RAD50: variants seen among roughly 807,000 people sequenced by gnomAD.
RAD50 encodes RAD50 double strand break repair protein.
A neutral mutation model predicts 168.8 loss-of-function variants in RAD50; 132 were observed. That is an observed-to-expected ratio of 0.78 (90% CI 0.68 to 0.90). The LOEUF (loss-of-function observed/expected upper bound fraction) is 0.90. RAD50 is among the 40% of genes least tolerant of loss of function. RAD50 has a pLI of 0.00. For missense variants in RAD50, 1,347 were observed against 1,534.4 expected, an observed-to-expected ratio of 0.88 and a Z score of 2.04; for synonymous variants, 525 against 497.4, an observed-to-expected ratio of 1.06 and a Z score of -0.74.
At chr5:132,592,932 T>C (rs1303669967) in intron 11 of RAD50, 1 of 469,672 alleles carries the variant, frequency 2.1e-6, no homozygotes, top group Non-Finnish European at 4.4e-6. Context: ...ACTTTAATTT[T>C]TCAGTCAGAA....
intron 21 of RAD50, among the ~76,000 whole-genome samples, chr5:132,633,767 G>A (rs1020235419): frequency 8.6e-5 from 13 of 151,814 alleles, no homozygotes; most frequent in Non-Finnish European, 1.2e-4. Context: ...TGTAGAGATG[G>A]GATCTCACTA....
At chr5:132,626,116 C>T (rs192474326) in intron 21 of RAD50, among the ~76,000 whole-genome samples, 4 of 152,206 alleles carry the variant, frequency 2.6e-5, no homozygotes, top group East Asian at 3.9e-4. Flanking sequence ...ATGATCCACC[C>T]GCCTCAGCCT....
chr5:132,560,077 CATAT>C (rs113206956), intron 2 of RAD50, among the ~76,000 whole-genome samples: 547 of 139,464 alleles, frequency 3.9e-3, no homozygotes, highest in African/African-American at 0.017. Context: ...CACACACACA[CATAT>C]ATATATAGTT....
intron 21 of RAD50, among the ~76,000 whole-genome samples, chr5:132,624,231 C>T (rs1660862617): frequency 6.6e-6 from 1 of 152,030 alleles, no homozygotes; most frequent in Admixed American, 6.5e-5. Flanking sequence ...TTTTTAACTT[C>T]TTTGAATATT....
intron 8 of RAD50, 130 bp from the exon 9 acceptor site, chr5:132,589,501 A>T (rs1750658262): frequency 2.9e-6 from 2 of 689,374 alleles, no homozygotes; most frequent in Non-Finnish European, 4.8e-6. Context: ...TTCTTGGAAT[A>T]TATCCCTGCT....
intron 2 of RAD50, among the ~76,000 whole-genome samples, chr5:132,571,156 A>T (rs1447161904): frequency 6.6e-6 from 1 of 152,244 alleles, no homozygotes. Context: ...CTTATCACAG[A>T]TCACTATAAC....
At chr5:132,599,973 A>T (rs1042151943) in intron 13 of RAD50, 6 of 152,194 alleles carry the variant, frequency 3.9e-5, no homozygotes, top group African/African-American at 1.4e-4. Context: ...TCTATTTATG[A>T]TAGTCACTTA....
rs1561651825 is a variant in RAD50, at chr5:132,619,887, G to GATATATATATATATAT, written c.3389+1594_3389+1595insTATATATATATATATA. On this transcript the variant is annotated intron_variant, in intron 21 of 24. Transcript: ENST00000378823. ...ATATATAAAGATATATATATATATA[G>GATATATATATATATAT]AGAGAGAGAGAGAGAGATATATCTT... 2.8e-3 allele frequency among the ~76,000 whole-genome samples: 354 copies of GATATATATATATATAT among 124,502 alleles called. 4 individuals are homozygous for GATATATATATATATAT. The highest frequency in any genetic ancestry group is 0.011 in the African/African-American group (328 of 29,182). 81.7% of individuals were successfully genotyped at this position (124,502 alleles called of 152,430 possible).
At chr5:132,612,161 A>C (rs1379587869) in intron 19 of RAD50, among the ~76,000 whole-genome samples, 3 of 152,260 alleles carry the variant, frequency 2.0e-5, no homozygotes, top group Non-Finnish European at 4.4e-5. Context: ...TGGTATACCC[A>C]TACAATGGAA....
At chr5:132,588,654 G>GAA in intron 7 of RAD50, 33 bp from the exon 8 acceptor site, 2 of 1,572,748 alleles carry the variant, frequency 1.3e-6, no homozygotes, top group Non-Finnish European at 1.7e-6. Context: ...AGCACCAGTT[G>GAA]AAAAAAAAAT....
intron 24 of RAD50, 113 bp downstream of exon 24, chr5:132,640,918 G>A: frequency 6.4e-7 from 1 of 1,553,788 alleles, no homozygotes; most frequent in Non-Finnish European, 8.8e-7. Flanking sequence ...CTCTAGCTGT[G>A]TTCCCCACTT....
At chr5:132,570,731 C>G (rs1480420520) in intron 2 of RAD50, among the ~76,000 whole-genome samples, 1 of 152,208 alleles carries the variant, frequency 6.6e-6, no homozygotes, top group African/African-American at 2.4e-5. Flanking sequence ...AGCAGTAAGG[C>G]TGTTTCACTT....
chr5:132,604,757 A>G, intron 15 of RAD50, 49 bp from the exon 16 acceptor site: 2 of 1,417,188 alleles, frequency 1.4e-6, no homozygotes. Flanking sequence ...TACAAATAGT[A>G]TTTTCTATGC....
intron 2 of RAD50, among the ~76,000 whole-genome samples, chr5:132,561,982 G>A (rs1011515921): frequency 1.4e-4 from 21 of 152,122 alleles, no homozygotes; most frequent in Non-Finnish European, 1.8e-4. Flanking sequence ...CATTCTTGAA[G>A]CTCTCTCTTT....
In RAD50 at chr5:132,588,710, C is replaced by T. The variant is rs1750641105; in HGVS notation, c.1075C>T (p.Arg359Cys). Residue 359 changes from arginine to cysteine, a missense_variant, in exon 8 of 25, where the codon CGC becomes TGC. Arg to Cys is a radical substitution (Grantham distance 180). Around this residue, in one of 3 missense-constraint regions of RAD50, gnomAD observed 703 missense variants for 767.7 expected, o/e 0.92. Coordinates refer to ENST00000378823, the MANE Select transcript of RAD50 (RefSeq NM_005732.4). ...EQGRLQLQADRHQEHIRARDS... is the reference protein window; with the variant it reads ...EQGRLQLQADCHQEHIRARDS... ...AGGTCGTCTACAGCTGCAAGCAGAT[C>T]GCCATCAAGAACATATCCGAGCTAG... is the stretch of plus-strand genomic sequence containing the variant. 2 of 1,613,524 alleles carry T rather than the reference C, an allele frequency of 1.2e-6. No homozygotes were observed. The highest frequency in any genetic ancestry group is 1.3e-5 in the African/African-American group (1 of 74,888).
chr5:132,642,271 T>C lies in RAD50; in HGVS notation c.3846T>C (p.Tyr1282=), dbSNP rs1804670. ...TGGAGCTTTTAGGACGTTCTGAATA[T>C]GTGGAGAAATTCTACAGGATTAAAA... The part of the protein sequence containing the change: ...DFVELLGRSE[Y]VEKFYRIKKN... The change falls in exon 25 of 25, where the codon TAT becomes TAC. Residue 1282 remains tyrosine, a synonymous_variant. Transcript: ENST00000378823. 15,295 of 1,613,976 alleles carry C rather than the reference T, an allele frequency of 9.5e-3. 1,128 individuals are homozygous for C. In the African/African-American group the frequency reaches 0.17, roughly 18 times the overall value.
At chr5:132,620,105 C>G (rs1286887180) in intron 21 of RAD50, among the ~76,000 whole-genome samples, 2 of 151,830 alleles carry the variant, frequency 1.3e-5, no homozygotes, top group Non-Finnish European at 2.9e-5. Context: ...TGGGGTTTCA[C>G]CGTGTTAGCC....
chr5:132,606,651 G>A (rs1338335800), intron 16 of RAD50, among the ~76,000 whole-genome samples: 1 of 152,158 alleles, frequency 6.6e-6, no homozygotes, highest in African/African-American at 2.4e-5. Context: ...CCAAAACCTA[G>A]CAGAGACACA....
intron 15 of RAD50, 71 bp downstream of exon 15, chr5:132,604,117 T>G (rs1750938614): frequency 6.4e-7 from 1 of 1,565,826 alleles, no homozygotes; most frequent in Non-Finnish European, 8.8e-7. Context: ...TTACAGTCAA[T>G]TTTATATCTG....
Sources: gnomAD v4.1 joint callset for allele counts (sites outside exome capture counted in the v4.1 genomes callset) on GRCh38, gnomAD v4.1.1 for gene constraint, gnomAD v4.1.1 regional missense constraint, MANE v1.5 for transcripts, NCBI Gene and HGNC (gene_info 2026-07-23, HGNC 2026-07-21) for gene names.